Variants in DROSHA observed in about 807,000 individuals in gnomAD.
DROSHA encodes the protein drosha ribonuclease III, also known as ribonuclease 3.
In DROSHA, 56 loss-of-function variants were observed where a neutral mutation model predicts 181.9. The ratio of observed to expected loss-of-function variants is 0.31; its 90% CI spans 0.25 to 0.38. DROSHA has a LOEUF of 0.38. Ranked by LOEUF, DROSHA falls within the 10% of genes least tolerant of loss-of-function variation. The probability of loss-of-function intolerance (pLI) is 1.00; values close to 1 mark genes in which losing one functional copy is unlikely to be tolerated. For synonymous variants in DROSHA, 524 were observed against 591.2 expected (o/e 0.89, Z 1.65); for missense variants, 1,218 against 1,743.5 (o/e 0.70, Z 5.37).
chr5:31,451,493 A>G, intron 21 of DROSHA, 40 bp downstream of exon 21: 1 of 1,518,924 alleles, frequency 6.6e-7, no homozygotes, highest in Non-Finnish European at 9.0e-7. Flanking sequence ...AATTACTCCT[A>G]TCTTGTTATT....
At chr5:31,450,271 A>C (rs1289748797) in intron 21 of DROSHA, among the ~76,000 whole-genome samples, 2 of 152,226 alleles carry the variant, frequency 1.3e-5, no homozygotes, top group Non-Finnish European at 2.9e-5. Context: ...AACAGTATGG[A>C]GATTTCTCAA....
chr5:31,519,528 A>G (rs1463078938), intron 6 of DROSHA, among the ~76,000 whole-genome samples: 1 of 152,136 alleles, frequency 6.6e-6, no homozygotes, highest in Non-Finnish European at 1.5e-5. Context: ...CAAAAACACC[A>G]TGTTTTTAAT....
chr5:31,528,492 C>G (rs987754324), intron 4 of DROSHA, among the ~76,000 whole-genome samples: 3 of 152,160 alleles, frequency 2.0e-5, no homozygotes, highest in Non-Finnish European at 4.4e-5. Context: ...CCTCACCCCC[C>G]ATCCTTAGCT....
chr5:31,412,515 G>C (rs1741434951), intron 30 of DROSHA, among the ~76,000 whole-genome samples: 2 of 152,190 alleles, frequency 1.3e-5, no homozygotes, highest in South Asian at 4.1e-4. Flanking sequence ...GTGTCTGATA[G>C]TGAATCCTTG....
At position 31,429,463 on chromosome 5, in the gene DROSHA, C is replaced by A; in HGVS notation, c.3216+12G>T. 6.2e-7 allele frequency: 1 copy of A among 1,600,900 alleles called. No individual in the cohort carries two copies. Among genetic ancestry groups the A allele is most frequent in the Non-Finnish European group, 8.5e-7 (1 of 1,174,894 alleles). On this transcript the variant is annotated intron_variant, in intron 27 of 35. Transcript: ENST00000344624. ...ATATAACAAAAAAAATCAAATGATT[C>A]CATAGAAATACCGGATCATTAAAGA...
Position 31,495,363 on chromosome 5 carries a change from G to T in DROSHA, c.1678C>A (p.Pro560Thr). 6.2e-7 allele frequency: 1 copy of T among 1,613,708 alleles called. No individual in the cohort carries two copies. Among genetic ancestry groups the T allele is most frequent in the South Asian group, 1.1e-5 (1 of 91,008 alleles). Residue 560 changes from proline (P) to threonine (T), a missense_variant, in exon 12 of 36, where the codon CCC (proline) becomes ACC (threonine). Around this residue, in one of 8 missense-constraint regions of DROSHA, gnomAD observed 460 missense variants for 774.2 expected, o/e 0.59. Coordinates refer to ENST00000344624, the MANE Select transcript of DROSHA (RefSeq NM_001382508.1). ...GCATTGTTGGTCATAGGACGACAGG[G>T]CTTGATGGCCTGAGGGGAAAAAAAC... ...SIYPGEEAIK[P>T]CRPMTNNAGR...
intron 11 of DROSHA, among the ~76,000 whole-genome samples, chr5:31,503,539 A>T (rs1008795385): frequency 4.6e-5 from 7 of 152,112 alleles, no homozygotes; most frequent in Admixed American, 3.9e-4. Flanking sequence ...CCCTCTCCCA[A>T]GGTTGTGCCC....
intron 20 of DROSHA, 126 bp downstream of exon 20, chr5:31,464,110 G>T: frequency 1.3e-6 from 1 of 783,014 alleles, no homozygotes; most frequent in Non-Finnish European, 2.0e-6. Context: ...ATTTATAGTT[G>T]ATATTCCATT....
At chr5:31,487,265 T>G (rs1014952587) in intron 13 of DROSHA, among the ~76,000 whole-genome samples, 4 of 152,126 alleles carry the variant, frequency 2.6e-5, no homozygotes. Flanking sequence ...AACTGCGAAG[T>G]CTTTCTCTAG....
intron 13 of DROSHA, among the ~76,000 whole-genome samples, chr5:31,489,907 TCGC>T (rs1752198009): frequency 8.7e-5 from 1 of 11,514 alleles, no homozygotes; most frequent in African/African-American, 1.1e-4. Context: ...ACGCGGAGTT[TCGC>T]TCTTGTCGCC....
chr5:31,483,265 T>C (rs1403456421), intron 16 of DROSHA, among the ~76,000 whole-genome samples: 5 of 152,228 alleles, frequency 3.3e-5, no homozygotes, highest in Admixed American at 6.5e-5. Flanking sequence ...TATGCATTTT[T>C]TAAGCCACAA....
At chr5:31,501,978 GC>G (rs1285224129) in intron 11 of DROSHA, among the ~76,000 whole-genome samples, 4 of 152,244 alleles carry the variant, frequency 2.6e-5, no homozygotes, top group Non-Finnish European at 5.9e-5. Flanking sequence ...TCAGGGGCCT[GC>G]CGCAGCCACA....
chr5:31,521,371 G>A (rs1481172135), intron 5 of DROSHA, among the ~76,000 whole-genome samples, 156 bp from the exon 6 acceptor site: 1 of 152,148 alleles, frequency 6.6e-6, no homozygotes, highest in African/African-American at 2.4e-5. Context: ...TAATTTATTA[G>A]AGGATAAAGG....
intron 20 of DROSHA, among the ~76,000 whole-genome samples, chr5:31,454,796 C>T (rs1031033169): frequency 5.2e-4 from 79 of 151,824 alleles, no homozygotes; most frequent in Admixed American, 3.2e-3. Flanking sequence ...AAAAATTAGC[C>T]GGGTGTGGTG....
At chr5:31,491,142 T>C (rs1196665419) in intron 13 of DROSHA, among the ~76,000 whole-genome samples, 2 of 150,704 alleles carry the variant, frequency 1.3e-5, no homozygotes, top group Non-Finnish European at 2.9e-5. Context: ...ACCCCAAGCA[T>C]TGCTATCATT....
intron 10 of DROSHA, 105 bp downstream of exon 10, chr5:31,508,516 T>C: frequency 6.6e-7 from 1 of 1,523,340 alleles, no homozygotes. Context: ...ACCCTGACAG[T>C]AAAATTCAGT....
chr5:31,464,668 A>G (rs1748805489), intron 19 of DROSHA, among the ~76,000 whole-genome samples: 2 of 151,560 alleles, frequency 1.3e-5, no homozygotes, highest in South Asian at 4.2e-4. Context: ...ATGAGCATGT[A>G]AAATTTTTAT....
rs546365755 is a variant in DROSHA, at chr5:31,526,709, C to A, written c.224G>T (p.Arg75Leu). The A allele has an allele frequency of 1.3e-6, 2 of 1,547,990 alleles. No homozygotes were observed. Among genetic ancestry groups the A allele is most frequent in the South Asian group, 1.3e-5 (1 of 79,230 alleles). The change falls in exon 5 of 36, where the codon CGA becomes CTA. Residue 75 changes from arginine to leucine, a missense_variant. By Grantham distance (102) the Arg-to-Leu change is moderately radical. Around this residue, in one of 8 missense-constraint regions of DROSHA, gnomAD observed 536 missense variants for 535.4 expected, o/e 1.00. Coordinates refer to ENST00000344624, the MANE Select transcript of DROSHA (RefSeq NM_001382508.1). Reference protein sequence around the residue: ...NSPAPNFLPPRPDFVPFPPPM... With the variant: ...NSPAPNFLPPLPDFVPFPPPM... ...TGGGGGGAAGGGTACAAAGTCTGGT[C>A]GTGGAGGGAGAAAATTGGGGGCTGG...
At position 31,449,360 on chromosome 5, in the gene DROSHA, C is replaced by T; in HGVS notation, c.2742G>A (p.Arg914=). The T allele has an allele frequency of 1.9e-6, 3 of 1,610,524 alleles. No homozygotes were observed. The highest frequency in any genetic ancestry group is 1.7e-6 in the Non-Finnish European group (2 of 1,178,342). The change falls in exon 22 of 36, where the codon AGG becomes AGA. Residue 914 remains arginine (R), a synonymous_variant. Coordinates refer to ENST00000344624, the MANE Select transcript of DROSHA (RefSeq NM_001382508.1). ...GAATTCCACAGTTAGATAATGAATT[C>T]CTGGCATGATCAGGATTCATTCCAA... The part of the protein sequence containing the change: ...LNFGMNPDHA[R]NSLSNCGIRQ...
Sources: allele counts gnomAD v4.1 joint callset (sites outside exome capture counted in the v4.1 genomes callset), GRCh38; gene constraint gnomAD v4.1.1; regional missense constraint gnomAD v4.1.1; transcripts MANE v1.5; gene names NCBI Gene and HGNC (gene_info 2026-07-23, HGNC 2026-07-21).